Variants in ASAH2 observed in about 807,000 individuals in gnomAD.
ASAH2 encodes neutral ceramidase.
A neutral mutation model predicts 82.9 loss-of-function variants in ASAH2; 58 were observed. The observed-to-expected ratio is 0.70, with a 90% CI of 0.57 to 0.87. ASAH2 has a LOEUF of 0.87. Among genes scored for constraint, ASAH2 ranks in the 40% least tolerant of loss-of-function variants. The probability of loss-of-function intolerance (pLI) is 0.00; values close to 1 mark genes in which losing one functional copy is unlikely to be tolerated. For synonymous variants in ASAH2, 276 were observed against 289.7 expected (o/e 0.95, Z 0.48); for missense variants, 779 against 834.0 (o/e 0.93, Z 0.81).
At chr10:50,240,172 C>T (rs1020237099) in intron 4 of ASAH2, among the ~76,000 whole-genome samples, 2 of 152,096 alleles carry the variant, frequency 1.3e-5, no homozygotes, top group Non-Finnish European at 2.9e-5. Flanking sequence ...AGTCTCACTG[C>T]CATCACATTG....
chr10:50,221,031 C>G (rs1845730639), intron 7 of ASAH2, among the ~76,000 whole-genome samples: 2 of 152,032 alleles, frequency 1.3e-5, no homozygotes, highest in African/African-American at 4.8e-5. Context: ...CAATGTCAAG[C>G]CAAATCACCA....
rs1416022953 is a variant in ASAH2 at position 50,214,733 on chromosome 10, A to G, written c.1140+10T>C. The G allele has an allele frequency of 1.9e-6, 3 of 1,613,452 alleles. No individual in the cohort carries two copies. The highest frequency in any genetic ancestry group is 2.5e-6 in the Non-Finnish European group (3 of 1,179,570). On this transcript the variant is annotated intron_variant, in intron 9 of 20. Transcript: ENST00000682911. ...CAAAAACAAAGATTTCATGTGTCATAATTACCTACCCCACCAATGGGACAA... is the reference window on the plus strand; with the variant it reads ...CAAAAACAAAGATTTCATGTGTCATGATTACCTACCCCACCAATGGGACAA...
At chr10:50,209,834 G>A (rs1460082846) in intron 12 of ASAH2, among the ~76,000 whole-genome samples, 7 of 152,082 alleles carry the variant, frequency 4.6e-5, no homozygotes, top group Non-Finnish European at 7.4e-5. Context: ...AAACCACAAT[G>A]AGATATCCCT....
At chr10:50,220,661 C>G (rs980047975) in intron 7 of ASAH2, among the ~76,000 whole-genome samples, 3 of 152,008 alleles carry the variant, frequency 2.0e-5, no homozygotes, top group Non-Finnish European at 2.9e-5. Context: ...GGAAAAATAA[C>G]TAATGGGTAC....
intron 4 of ASAH2, among the ~76,000 whole-genome samples, chr10:50,239,400 A>T (rs1291218063): frequency 6.6e-6 from 1 of 152,172 alleles, no homozygotes; most frequent in African/African-American, 2.4e-5. Context: ...AATGGTGCCC[A>T]CTATTGACTT....
At chr10:50,201,022 A>G (rs1056095667) in intron 16 of ASAH2, among the ~76,000 whole-genome samples, 8 of 152,042 alleles carry the variant, frequency 5.3e-5, no homozygotes, top group Admixed American at 4.6e-4. Context: ...GGAGATGAAC[A>G]GAAAAGCAGA....
At chr10:50,194,859 CA>C (rs550981220) in intron 18 of ASAH2, among the ~76,000 whole-genome samples, 41 of 151,306 alleles carry the variant, frequency 2.7e-4, no homozygotes, top group African/African-American at 9.0e-4. Flanking sequence ...TGGATATCCA[CA>C]TGCAGAAGAA....
intron 7 of ASAH2, among the ~76,000 whole-genome samples, chr10:50,222,661 G>A (rs974757840): frequency 6.6e-6 from 1 of 152,024 alleles, no homozygotes; most frequent in East Asian, 1.9e-4. Flanking sequence ...TAAAATAAGT[G>A]TTCAGAAAAA....
At chr10:50,230,072 G>T (rs893486407) in intron 7 of ASAH2, among the ~76,000 whole-genome samples, 58 of 152,106 alleles carry the variant, frequency 3.8e-4, no homozygotes, top group Non-Finnish European at 2.9e-5. Context: ...GAGTCTCAGA[G>T]AGTTTAATGG....
At chr10:50,209,936 T>A (rs1845406885) in intron 12 of ASAH2, among the ~76,000 whole-genome samples, 2 of 152,084 alleles carry the variant, frequency 1.3e-5, no homozygotes. Context: ...ACACTGCCTG[T>A]GGAAATGTAA....
chr10:50,236,035 GC>G lies in ASAH2; in HGVS notation c.539del (p.Gly180AlafsTer11). On this transcript the variant is annotated frameshift_variant, in exon 5 of 21. Transcript: ENST00000682911. LOFTEE classifies it high-confidence loss of function. ...TGACATTATCTCTTCTGTACAGGGA[GC>G]CATATTTACTCTGCAGTCTGTTCAG... ...EVLNRLQSKYGSLYRRDNVIL... is the reference protein window; with the variant it reads ...EVLNRLQSKYXSLYRRDNVIL... The G allele has an allele frequency of 6.2e-7, 1 of 1,613,256 alleles. No homozygotes were observed. Among genetic ancestry groups the G allele is most frequent in the Non-Finnish European group, 8.5e-7 (1 of 1,179,384 alleles).
chr10:50,212,949 A>C, intron 10 of ASAH2, 23 bp downstream of exon 10: 1 of 1,603,032 alleles, frequency 6.2e-7, no homozygotes, highest in Non-Finnish European at 8.5e-7. Flanking sequence ...ACAAAGATTA[A>C]AGGAGCGAGG....
chr10:50,223,632 G>A (rs1199908247), intron 7 of ASAH2, among the ~76,000 whole-genome samples: 1 of 152,214 alleles, frequency 6.6e-6, no homozygotes, highest in Non-Finnish European at 1.5e-5. Flanking sequence ...GGGTTGAATA[G>A]TGTCACTCAA....
chr10:50,200,969 G>A (rs550004485), intron 16 of ASAH2, among the ~76,000 whole-genome samples: 1 of 151,712 alleles, frequency 6.6e-6, no homozygotes, highest in African/African-American at 2.4e-5. Context: ...CCCCTATCCT[G>A]TACCCATATA....
At chr10:50,244,904 A>G (rs1474185932) in intron 3 of ASAH2, among the ~76,000 whole-genome samples, 6 of 151,768 alleles carry the variant, frequency 4.0e-5, no homozygotes, top group Non-Finnish European at 1.5e-5. Flanking sequence ...AGCATTCACT[A>G]GACATTTCTT....
At position 50,214,935 on chromosome 10, in the gene ASAH2, T is replaced by A. The variant is rs537091503; in HGVS notation, c.1015-67A>T. 3.7e-5 allele frequency: 58 copies of A among 1,584,198 alleles called. No individual in the cohort carries two copies. In the African/African-American group the frequency reaches 7.0e-4, roughly 19 times the overall value. The stretch of plus-strand genomic sequence containing the variant: ...TTCCTGTAATGAATGCCATTAGAAA[T>A]ACAAACATTAAATCCACTCTGGCAA... On this transcript the variant is annotated intron_variant, in intron 8 of 20. Coordinates refer to ENST00000682911, the MANE Select transcript of ASAH2 (RefSeq NM_019893.4).
chr10:50,230,808 G>A (rs1004982698), intron 7 of ASAH2, among the ~76,000 whole-genome samples: 269 of 152,144 alleles, frequency 1.8e-3, no homozygotes, highest in African/African-American at 6.2e-3. Flanking sequence ...TTGGAAGGCC[G>A]AGGTGGAGGA....
At chr10:50,244,162 G>C (rs1458815522) in intron 3 of ASAH2, among the ~76,000 whole-genome samples, 1 of 152,242 alleles carries the variant, frequency 6.6e-6, no homozygotes, top group African/African-American at 2.4e-5. Context: ...ACGTTGTGCT[G>C]CTGGGGCTAC....
chr10:50,232,725 T>C (rs1249282431), intron 7 of ASAH2, among the ~76,000 whole-genome samples: 2 of 152,296 alleles, frequency 1.3e-5, no homozygotes, highest in East Asian at 3.9e-4. Flanking sequence ...CTTGCCATTG[T>C]CCTGCATTGG....
Sources: gnomAD v4.1 joint callset for allele counts (sites outside exome capture counted in the v4.1 genomes callset) on GRCh38, gnomAD v4.1.1 for gene constraint, MANE v1.5 for transcripts, NCBI Gene and HGNC (gene_info 2026-07-23, HGNC 2026-07-21) for gene names.